AGBL5: variants seen among roughly 807,000 people sequenced by gnomAD.
AGBL5 encodes the protein AGBL carboxypeptidase 5, also known as cytosolic carboxypeptidase-like protein 5.
In AGBL5, 51 loss-of-function variants were observed where a neutral mutation model predicts 88.0. The observed-to-expected ratio is 0.58, with a 90% CI of 0.46 to 0.73. The LOEUF (loss-of-function observed/expected upper bound fraction) is 0.73. AGBL5 is among the 30% of genes least tolerant of loss of function. The probability of loss-of-function intolerance (pLI) is 0.00; values close to 1 mark genes in which losing one functional copy is unlikely to be tolerated. For missense variants in AGBL5, 1,031 were observed against 1,162.2 expected (o/e 0.89, Z 1.64); for synonymous variants, 446 against 438.8 (o/e 1.02, Z -0.21).
intron 11 of AGBL5, among the ~76,000 whole-genome samples, chr2:27,060,634 G>A (rs1668668519): frequency 6.6e-6 from 1 of 152,164 alleles, no homozygotes; most frequent in Admixed American, 6.5e-5. Flanking sequence ...CTGTGTCAGT[G>A]GCTGTGTAAA....
At chr2:27,068,959 T>C in intron 13 of AGBL5, 1 of 1,491,524 alleles carries the variant, frequency 6.7e-7, no homozygotes, top group Non-Finnish European at 8.9e-7. Flanking sequence ...GCTTTCAACC[T>C]GTGTCCCTGC....
rs776394116 is a variant in AGBL5, at chr2:27,067,521, A to G, written c.2117A>G (p.Gln706Arg). The change falls in exon 12 of 15, where the codon CAG (glutamine) becomes CGG (arginine). Residue 706 changes from glutamine (Q) to arginine (R), a missense_variant. By Grantham distance (43) the Gln-to-Arg change is conservative. Coordinates refer to ENST00000360131, the MANE Select transcript of AGBL5 (RefSeq NM_021831.6). ...CCCCGAAGCCAGGACAGGAGACGGC[A>G]GCAGCAGCCCCTGAACCATCGTCCT... ...REPRSQDRRRQQQPLNHRPAG... is the reference protein window; with the variant it reads ...REPRSQDRRRRQQPLNHRPAG... The G allele has an allele frequency of 6.2e-7, 1 of 1,614,090 alleles. No homozygotes were observed. The highest frequency in any genetic ancestry group is 8.5e-7 in the Non-Finnish European group (1 of 1,180,004).
chr2:27,051,211 G>A (rs76952917), upstream of AGBL5, among the ~76,000 whole-genome samples: 24 of 152,354 alleles, frequency 1.6e-4, no homozygotes, highest in East Asian at 3.9e-4. Flanking sequence ...CTAAGCAGCA[G>A]GCGGGGGATT....
chr2:27,064,732 T>C (rs1668896114), intron 11 of AGBL5, among the ~76,000 whole-genome samples: 1 of 151,092 alleles, frequency 6.6e-6, no homozygotes, highest in Admixed American at 6.6e-5. Context: ...ATTTTTTTTT[T>C]TTCCATTTTG....
intron 11 of AGBL5, among the ~76,000 whole-genome samples, chr2:27,066,653 A>G (rs1227610328): frequency 6.6e-6 from 1 of 152,128 alleles, no homozygotes; most frequent in Admixed American, 6.5e-5. Context: ...CTTTGCCAAA[A>G]GAATAAACTG....
In AGBL5 at chr2:27,057,329, C is replaced by T. The variant is rs1668487340; in HGVS notation, c.1562C>T (p.Thr521Ile). 6.2e-7 allele frequency: 1 copy of T among 1,613,952 alleles called. No individual in the cohort carries two copies. Among genetic ancestry groups the T allele is most frequent in the Non-Finnish European group, 8.5e-7 (1 of 1,179,926 alleles). Reference sequence around the variant, plus strand: ...TACACACTTGAATGCAACTACAACACTGGACGCTCAGTAAACAGCATCCCT... The same window carrying T: ...TACACACTTGAATGCAACTACAACATTGGACGCTCAGTAAACAGCATCCCT... The part of the protein sequence containing the change: ...HSYTLECNYN[T>I]GRSVNSIPAA... The change falls in exon 9 of 15, where the codon ACT (threonine) becomes ATT (isoleucine). Residue 521 changes from threonine to isoleucine, a missense_variant. Around this residue, in one of 2 missense-constraint regions of AGBL5, gnomAD observed 491 missense variants for 484.0 expected, o/e 1.01. Coordinates refer to ENST00000360131, the MANE Select transcript of AGBL5 (RefSeq NM_021831.6).
In AGBL5 at chr2:27,053,624, G is replaced by A. The variant is rs1166944343; in HGVS notation, c.387+51G>A. 6 of 1,565,310 alleles carry A rather than the reference G, an allele frequency of 3.8e-6. No individual in the cohort carries two copies. The highest frequency in any genetic ancestry group is 5.2e-6 in the Non-Finnish European group (6 of 1,160,152). ...AAGACTTGGGTGCTAAAAGTAGAGA[G>A]GAAAGTAAAGCGTTTTTTTTTCCTT... On this transcript the variant is annotated intron_variant, in intron 3 of 14. Coordinates refer to ENST00000360131, the MANE Select transcript of AGBL5 (RefSeq NM_021831.6). This position sits in a 1 kb window ranked among gnomAD's most constrained non-coding sequence, Gnocchi z 4.9.
In AGBL5 at chr2:27,058,532, G is replaced by T. The variant is rs759956953; in HGVS notation, c.1804G>T (p.Gly602Cys). 6.2e-7 allele frequency: 1 copy of T among 1,614,196 alleles called. No homozygotes were observed. Among genetic ancestry groups the T allele is most frequent in the Non-Finnish European group, 8.5e-7 (1 of 1,180,046 alleles). Residue 602 changes from glycine to cysteine, a missense_variant, in exon 10 of 15, where the codon GGC (glycine) becomes TGC (cysteine). By Grantham distance (159) the Gly-to-Cys change is radical. Around this residue, in one of 2 missense-constraint regions of AGBL5, gnomAD observed 491 missense variants for 484.0 expected, o/e 1.01. Transcript: ENST00000360131. ...GCTGAAACATGTACGCAACAGCCGA[G>T]GCCTAAGCAGCACTCTGAATGTGGG... Reference protein sequence around the residue: ...WMLKHVRNSRGLSSTLNVGVN... With the variant: ...WMLKHVRNSRCLSSTLNVGVN...
In AGBL5 at chr2:27,058,617, A is replaced by G. The variant is rs1668561387; in HGVS notation, c.1874+15A>G. The G allele has an allele frequency of 6.2e-7, 1 of 1,613,288 alleles. No homozygotes were observed. Among genetic ancestry groups the G allele is most frequent in the Non-Finnish European group, 8.5e-7 (1 of 1,179,684 alleles). On this transcript the variant is annotated intron_variant, in intron 10 of 14. Transcript: ENST00000360131. The stretch of plus-strand genomic sequence containing the variant: ...AAAAGTCACAAGTAAGGCCAGCAAA[A>G]TAGGAGGGAGAAAGGGTAGGACAGT...
In AGBL5 at chr2:27,059,199, T is replaced by C. The variant is rs780021648; in HGVS notation, c.1884T>C (p.Pro628=). ...RTPPKSHNGL[P]VSCSENTLSR... ...ATCTGCTTCTTTGCAGTGGGTTGCC[T>C]GTCTCCTGCTCCGAAAACACCTTGA... Residue 628 remains proline (P), a synonymous_variant, in exon 11 of 15, where the codon CCT becomes CCC. Coordinates refer to ENST00000360131, the MANE Select transcript of AGBL5 (RefSeq NM_021831.6). 8 of 1,613,150 alleles carry C rather than the reference T, an allele frequency of 5.0e-6. No homozygotes were observed. In the Admixed American group the frequency reaches 8.4e-5, roughly 17 times the overall value.
At chr2:27,064,221 G>A (rs1320566659) in intron 11 of AGBL5, among the ~76,000 whole-genome samples, 5 of 151,296 alleles carry the variant, frequency 3.3e-5, no homozygotes, top group Admixed American at 6.6e-5. Context: ...CTATGGCCAC[G>A]AGTCTTGACT....
intron 7 of AGBL5, 29 bp from the exon 8 acceptor site, chr2:27,056,594 T>A (rs758968647): frequency 1.3e-6 from 2 of 1,576,664 alleles, no homozygotes; most frequent in African/African-American, 2.7e-5. Context: ...CTGTCTCTCC[T>A]TCTGAGTTGA....
At chr2:27,069,915 G>C in intron 14 of AGBL5, 177 bp from the exon 15 acceptor site, 1 of 985,372 alleles carries the variant, frequency 1.0e-6, no homozygotes, top group Non-Finnish European at 1.2e-6. Context: ...TTTTAGTCAG[G>C]GCCTAAGGTC....
Position 27,053,554 on chromosome 2 carries a change from G to A in AGBL5, c.368G>A (p.Arg123Gln). ...LPTRPRWERI[R>Q]DRPTFEMTET... Reference sequence around the variant, plus strand: ...ACCCGGCCACGCTGGGAACGCATTCGAGACCGGCCCACCTTTGAGGTAAGT... The same window carrying A: ...ACCCGGCCACGCTGGGAACGCATTCAAGACCGGCCCACCTTTGAGGTAAGT... Residue 123 changes from arginine (R) to glutamine (Q), a missense_variant, in exon 3 of 15, where the codon CGA (arginine) becomes CAA (glutamine). Physicochemically the swap from Arg to Gln is conservative, Grantham distance 43. This residue lies in a region of AGBL5 where 540 missense variants were observed against 678.2 expected (regional missense o/e 0.80). Transcript: ENST00000360131. The surrounding 1 kb of genome is among the most constrained non-coding windows in gnomAD (Gnocchi z 4.9). 3.1e-6 allele frequency: 5 copies of A among 1,613,348 alleles called. No homozygotes were observed. Among genetic ancestry groups the A allele is most frequent in the East Asian group, 2.2e-5 (1 of 44,882 alleles).
chr2:27,061,100 T>C (rs1443833371), intron 11 of AGBL5: 2 of 152,234 alleles, frequency 1.3e-5, no homozygotes, highest in African/African-American at 4.8e-5. Context: ...TTTCACTCTT[T>C]CACCCAGGCC....
In AGBL5 at chr2:27,053,445, C is replaced by G; in HGVS notation, c.259C>G (p.Leu87Val). ...CGTCCGGGGAGGAATGCCAGGAAAA[C>G]TCATCAAGATCAACATTATGAACAT... ...FSVRGGMPGK[L>V]IKINIMNMNK... is the part of the protein sequence containing the mutation. Residue 87 changes from leucine (L) to valine (V), a missense_variant, in exon 3 of 15, where the codon CTC becomes GTC. Around this residue, in one of 2 missense-constraint regions of AGBL5, gnomAD observed 540 missense variants for 678.2 expected, o/e 0.80. Transcript: ENST00000360131. This position sits in a 1 kb window ranked among gnomAD's most constrained non-coding sequence, Gnocchi z 4.9. 3 of 1,614,106 alleles carry G rather than the reference C, an allele frequency of 1.9e-6. No homozygotes were observed. In the East Asian group the frequency reaches 6.7e-5, roughly 36 times the overall value.
At chr2:27,066,909 C>T (rs547137217) in intron 11 of AGBL5, among the ~76,000 whole-genome samples, 12 of 152,164 alleles carry the variant, frequency 7.9e-5, no homozygotes, top group African/African-American at 2.9e-4. Flanking sequence ...ATGGTGAAAC[C>T]CTGTCTCTAC....
intron 12 of AGBL5, 138 bp from the exon 13 acceptor site, chr2:27,068,494 T>C (rs916277735): frequency 3.0e-6 from 2 of 667,308 alleles, no homozygotes; most frequent in African/African-American, 3.6e-5. Context: ...CATCCTACAA[T>C]GCACAAGACT....
chr2:27,055,900 A>G lies in AGBL5; in HGVS notation c.1127A>G (p.Gln376Arg). 1 of 1,614,234 alleles carries G rather than the reference A, an allele frequency of 6.2e-7. No homozygotes were observed. The highest frequency in any genetic ancestry group is 8.5e-7 in the Non-Finnish European group (1 of 1,180,036). The change falls in exon 7 of 15, where the codon CAG becomes CGG. Residue 376 changes from glutamine (Q) to arginine (R), a missense_variant. This residue lies in a region of AGBL5 where 540 missense variants were observed against 678.2 expected (regional missense o/e 0.80). Coordinates refer to ENST00000360131, the MANE Select transcript of AGBL5 (RefSeq NM_021831.6). ...GCCAACAATCTCCAAAATGAAGCTC[A>G]GTGTGGGCACTCAGCTGACAGGCAT... Reference protein sequence around the residue: ...EKANNLQNEAQCGHSADRHNA... With the variant: ...EKANNLQNEARCGHSADRHNA...
Sources: gnomAD v4.1 joint callset for allele counts (sites outside exome capture counted in the v4.1 genomes callset) on GRCh38, gnomAD v4.1.1 for gene constraint, gnomAD v4.1.1 regional missense constraint, Gnocchi (gnomAD v3.1) non-coding constraint, MANE v1.5 for transcripts, NCBI Gene and HGNC (gene_info 2026-07-23, HGNC 2026-07-21) for gene names.